PADI1: variants seen among roughly 807,000 people sequenced by gnomAD.
PADI1 encodes the protein protein-arginine deiminase type-1.
Under a neutral mutation model 74.8 loss-of-function variants are expected in PADI1, and 65 were observed. The observed-to-expected ratio is 0.87, with a 90% CI of 0.71 to 1.07. The LOEUF (loss-of-function observed/expected upper bound fraction) is 1.07, where lower values mean the gene tolerates loss of function less well. Among genes scored for constraint, PADI1 ranks in the 50% least tolerant of loss-of-function variants. The pLI, the probability that PADI1 is intolerant of heterozygous loss-of-function variation, is 0.00. For synonymous variants in PADI1, 371 were observed against 336.2 expected (o/e 1.10, Z -1.13); for missense variants, 943 against 854.0 (o/e 1.10, Z -1.30).
chr1:17,228,227 C>T (rs561402255), intron 6 of PADI1, among the ~76,000 whole-genome samples: 5 of 152,188 alleles, frequency 3.3e-5, no homozygotes, highest in Non-Finnish European at 7.3e-5. Flanking sequence ...ATCCTCCCGC[C>T]TTGGCCTCCC....
In PADI1 at chr1:17,228,676, C is replaced by G; in HGVS notation, c.704C>G (p.Ser235Cys). The G allele has an allele frequency of 6.2e-7, 1 of 1,614,164 alleles. No individual in the cohort carries two copies. The highest frequency in any genetic ancestry group is 1.7e-5 in the Admixed American group (1 of 60,024). The change falls in exon 7 of 16, where the codon TCC becomes TGC. Residue 235 changes from serine to cysteine, a missense_variant. Ser to Cys is a moderately radical substitution (Grantham distance 112). Coordinates refer to ENST00000375471, the MANE Select transcript of PADI1 (RefSeq NM_013358.3). ...CAGGTGCTGGGGCCCCAGTGTCTGT[C>G]CTATGAAGTTGAGCGACAGCCAGGG... ...YKQVLGPQCLSYEVERQPGEQ... is the reference protein window; with the variant it reads ...YKQVLGPQCLCYEVERQPGEQ...
Position 17,222,286 on chromosome 1 carries a change from C to T in PADI1, c.93-4C>T. 6.2e-7 allele frequency: 1 copy of T among 1,611,296 alleles called. No individual in the cohort carries two copies. Among genetic ancestry groups the T allele is most frequent in the Non-Finnish European group, 8.5e-7 (1 of 1,177,506 alleles). ...GTTCTCTTCCCATCTCTCTTCTCTG[C>T]CAGTGATGTGCCCAAGGGTGCCAAC... On this transcript the variant is annotated splice_region_variant and splice_polypyrimidine_tract_variant and intron_variant, in intron 1 of 15. Transcript: ENST00000375471.
intron 1 of PADI1, among the ~76,000 whole-genome samples, chr1:17,220,254 C>T (rs768235869): frequency 3.9e-5 from 6 of 151,912 alleles, no homozygotes; most frequent in Non-Finnish European, 4.4e-5. Flanking sequence ...CATTAGGGAG[C>T]GCCAAGTAGG....
At chr1:17,240,530 A>G (rs1202003895) in intron 14 of PADI1, 105 bp from the exon 15 acceptor site, 3 of 1,258,390 alleles carry the variant, frequency 2.4e-6, no homozygotes, top group Non-Finnish European at 3.3e-6. Flanking sequence ...GGCTTGAAGG[A>G]GCTAGCGGGC....
rs1270005996 is a variant in PADI1, at chr1:17,230,730, G to A, written c.1161+51G>A. The A allele has an allele frequency of 3.9e-6, 4 of 1,033,760 alleles. No individual in the cohort carries two copies. In the South Asian group the frequency reaches 4.0e-5, roughly 10 times the overall value. 64.0% of individuals were successfully genotyped at this position (1,033,760 alleles called of 1,614,324 possible). ...AAACCCTGGTTGGGTCCTCCTGGAG[G>A]CGCACCAGTGAAGTCTCATCTGGAC... On this transcript the variant is annotated intron_variant, in intron 10 of 15. Transcript: ENST00000375471.
At chr1:17,237,991 C>G (rs970788357) in intron 12 of PADI1, among the ~76,000 whole-genome samples, 3 of 152,260 alleles carry the variant, frequency 2.0e-5, no homozygotes, top group South Asian at 2.1e-4. Context: ...TACAGCTCTG[C>G]TAGGGACAGC....
chr1:17,230,759 G>A lies in PADI1; in HGVS notation c.1161+80G>A, dbSNP rs530879217. The A allele has an allele frequency of 1.0e-5, 8 of 768,168 alleles. No individual in the cohort carries two copies. In the East Asian group the frequency reaches 2.1e-4, roughly 21 times the overall value. The allele number at this position is 768,168 out of a possible 1,614,324, so 47.6% of individuals were successfully genotyped here. On this transcript the variant is annotated intron_variant, in intron 10 of 15. Coordinates refer to ENST00000375471, the MANE Select transcript of PADI1 (RefSeq NM_013358.3). The stretch of plus-strand genomic sequence containing the variant: ...ACCAGTGAAGTCTCATCTGGACCTA[G>A]TCCTATAGGGCTCAGAGAACAGGAA...
At chr1:17,206,836 C>G (rs1029858072) in intron 1 of PADI1, among the ~76,000 whole-genome samples, 2 of 152,000 alleles carry the variant, frequency 1.3e-5, no homozygotes, top group Non-Finnish European at 2.9e-5. Flanking sequence ...AACCCACCAT[C>G]ACACTCGGCT....
intron 1 of PADI1, among the ~76,000 whole-genome samples, chr1:17,216,534 G>A (rs1342449044): frequency 6.6e-6 from 1 of 152,132 alleles, no homozygotes; most frequent in Non-Finnish European, 1.5e-5. Flanking sequence ...GAAGGAGTGG[G>A]CATGGGGAAG....
chr1:17,230,093 A>G lies in PADI1; in HGVS notation c.938A>G (p.Asp313Gly). 3 of 1,613,824 alleles carry G rather than the reference A, an allele frequency of 1.9e-6. No individual in the cohort carries two copies. Among genetic ancestry groups the G allele is most frequent in the Non-Finnish European group, 2.5e-6 (3 of 1,179,758 alleles). ...CTCCCTACCTTTTACAGAGTGATGG[A>G]CACTCATGGCTCCAATGAGAAATTC... ...PEELYVCRVM[D>G]THGSNEKFLE... Residue 313 changes from aspartate to glycine, a missense_variant, in exon 9 of 16, where the codon GAC becomes GGC. Asp to Gly is a moderately conservative substitution (Grantham distance 94). Coordinates refer to ENST00000375471, the MANE Select transcript of PADI1 (RefSeq NM_013358.3).
At chr1:17,234,996 G>T (rs1359052172) in intron 11 of PADI1, among the ~76,000 whole-genome samples, 1 of 151,868 alleles carries the variant, frequency 6.6e-6, no homozygotes, top group Non-Finnish European at 1.5e-5. Context: ...GCACGCCCAT[G>T]GTCCCAGCTA....
intron 1 of PADI1, among the ~76,000 whole-genome samples, chr1:17,218,076 A>G (rs2072028409): frequency 6.6e-6 from 1 of 152,232 alleles, no homozygotes; most frequent in African/African-American, 2.4e-5. Context: ...CGTTTACGTC[A>G]CATATCAGAT....
chr1:17,220,997 G>A (rs997611127), intron 1 of PADI1, among the ~76,000 whole-genome samples: 1 of 152,216 alleles, frequency 6.6e-6, no homozygotes, highest in Non-Finnish European at 1.5e-5. Context: ...GTAGGGTGGG[G>A]GCCCGGCAGA....
intron 1 of PADI1, 21 bp from the exon 2 acceptor site, chr1:17,222,269 C>T: frequency 6.2e-7 from 1 of 1,603,382 alleles, no homozygotes; most frequent in South Asian, 1.1e-5. Flanking sequence ...TGGTTCTCTT[C>T]CCATCTCTCT....
intron 2 of PADI1, chr1:17,223,404 C>T (rs1429323635): frequency 1.7e-6 from 1 of 571,436 alleles, no homozygotes; most frequent in African/African-American, 1.9e-5. Context: ...CTCCTCACAC[C>T]TGCTCTGGGA....
chr1:17,227,583 T>TA (rs1557468652), intron 6 of PADI1, among the ~76,000 whole-genome samples: 8 of 146,872 alleles, frequency 5.4e-5, no homozygotes, highest in Non-Finnish European at 7.6e-5. Flanking sequence ...ATAAATAAAT[T>TA]ACCACTCCTT....
chr1:17,224,687 TG>T lies in PADI1; in HGVS notation c.408+261del, dbSNP rs534151871. ...TCTTGTGCCACTTTGAAATTGGGAT[TG>T]GTTCTTTTGTTGCTGCCTTTTTTAT... On this transcript the variant is annotated intron_variant, in intron 4 of 15. Transcript: ENST00000375471. Among the ~76,000 whole-genome samples, 417 of 152,280 alleles carry T rather than the reference TG, an allele frequency of 2.7e-3. 3 individuals are homozygous for T. Among genetic ancestry groups the T allele is most frequent in the Non-Finnish European group, 4.6e-3 (316 of 68,022 alleles).
At chr1:17,219,856 G>A (rs924072264) in intron 1 of PADI1, among the ~76,000 whole-genome samples, 1 of 152,100 alleles carries the variant, frequency 6.6e-6, no homozygotes, top group Admixed American at 6.5e-5. Context: ...GATGGCTGAA[G>A]GGGAGGCCAT....
chr1:17,223,815 C>T, intron 3 of PADI1, 122 bp downstream of exon 3: 2 of 778,394 alleles, frequency 2.6e-6, no homozygotes, highest in Admixed American at 2.1e-5. Flanking sequence ...CACTGAGGGG[C>T]TTGGATTCCT....
Sources: gnomAD v4.1 joint callset for allele counts (sites outside exome capture counted in the v4.1 genomes callset) on GRCh38, gnomAD v4.1.1 for gene constraint, MANE v1.5 for transcripts, NCBI Gene and HGNC (gene_info 2026-07-23, HGNC 2026-07-21) for gene names.